Variants in RPSA2 observed in about 807,000 individuals in gnomAD.
RPSA2 encodes small ribosomal subunit protein uS2B.
At chr19:23,784,720 C>A in the RPSA2 span, among the ~76,000 whole-genome samples, 5 of 152,142 alleles carry the variant, frequency 3.3e-5, no homozygotes, top group Non-Finnish European at 7.4e-5. Flanking sequence ...CAAACATATC[C>A]CACTGTTGAG....
chr19:23,795,653 CT>C, the RPSA2 span, among the ~76,000 whole-genome samples: 2 of 151,876 alleles, frequency 1.3e-5, no homozygotes, highest in Admixed American at 6.6e-5. Flanking sequence ...GTTTAAGTTC[CT>C]TTTTTTGTTG....
chr19:23,867,601 C>T, the RPSA2 span, among the ~76,000 whole-genome samples: 5 of 152,028 alleles, frequency 3.3e-5, no homozygotes, highest in South Asian at 8.3e-4. Flanking sequence ...GAGGCAGAGG[C>T]GGGTGGATCA....
the RPSA2 span, chr19:23,758,717 C>A: frequency 1.2e-6 from 2 of 1,614,214 alleles, no homozygotes; most frequent in Non-Finnish European, 1.7e-6. Context: ...CCCTTCCCCT[C>A]TCTCGGGATG....
the RPSA2 span, chr19:23,758,882 A>C: frequency 7.7e-7 from 1 of 1,291,270 alleles, no homozygotes; most frequent in South Asian, 1.3e-5. Context: ...CTCGGGCTGA[A>C]GGGAGAGACA....
chr19:23,848,604 G>A, the RPSA2 span, among the ~76,000 whole-genome samples: 6 of 152,180 alleles, frequency 3.9e-5, no homozygotes, highest in African/African-American at 1.4e-4. Flanking sequence ...TACTGAGAAG[G>A]TGTCCTTTGA....
At chr19:23,774,209 G>C in the RPSA2 span, among the ~76,000 whole-genome samples, 1 of 152,142 alleles carries the variant, frequency 6.6e-6, no homozygotes, top group Non-Finnish European at 1.5e-5. Flanking sequence ...CCACACCCAG[G>C]TTATGTGACT....
Sources: allele counts gnomAD v4.1 joint callset (sites outside exome capture counted in the v4.1 genomes callset), GRCh38; gene constraint gnomAD v4.1.1; transcripts MANE v1.5; gene names NCBI Gene and HGNC (gene_info 2026-07-23, HGNC 2026-07-21).